UBAP2: variants seen among roughly 807,000 people sequenced by gnomAD.
The protein encoded by UBAP2 is ubiquitin-associated protein 2.
In UBAP2, 75 loss-of-function variants were observed where a neutral mutation model predicts 139.6. The observed-to-expected ratio is 0.54, with a 90% CI of 0.45 to 0.65. The LOEUF (loss-of-function observed/expected upper bound fraction) is 0.65, where lower values mean the gene tolerates loss of function less well. UBAP2 is among the 30% of genes least tolerant of loss of function. UBAP2 has a pLI of 0.00. For missense variants in UBAP2, 1,368 were observed against 1,369.6 expected, an observed-to-expected ratio of 1.00 and a Z score of 0.02; for synonymous variants, 526 against 526.2, an observed-to-expected ratio of 1.00 and a Z score of 0.01.
chr9:34,003,062 T>G (rs1402508767), intron 2 of UBAP2, among the ~76,000 whole-genome samples: 2 of 151,580 alleles, frequency 1.3e-5, no homozygotes, highest in East Asian at 3.9e-4. Flanking sequence ...TTTCGTTGTT[T>G]TTTTTTTTCT....
intron 3 of UBAP2, chr9:33,997,389 T>A (rs894226828): frequency 6.6e-6 from 1 of 152,228 alleles, no homozygotes; most frequent in Non-Finnish European, 1.5e-5. Context: ...AACAGCTTGA[T>A]CCCAACATAT....
intron 19 of UBAP2, among the ~76,000 whole-genome samples, chr9:33,930,856 A>G (rs1291753131): frequency 2.1e-5 from 3 of 142,490 alleles, no homozygotes; most frequent in Non-Finnish European, 4.5e-5. Flanking sequence ...AGATTGCGCC[A>G]TTGCACTCCA....
At position 33,984,869 on chromosome 9, in the gene UBAP2, G is replaced by A. The variant is rs138447237; in HGVS notation, c.520+1891C>T. 6.3e-3 allele frequency among the ~76,000 whole-genome samples: 953 copies of A among 152,294 alleles called. 2 individuals are homozygous for A. The highest frequency in any genetic ancestry group is 0.01 in the Non-Finnish European group (695 of 68,028). ...AATAGCCTGTAATCCCAACTACTGAGGTGGCTGAAACAGGAAGATTGCCTG... is the reference window on the plus strand; with the variant it reads ...AATAGCCTGTAATCCCAACTACTGAAGTGGCTGAAACAGGAAGATTGCCTG... On this transcript the variant is annotated intron_variant, in intron 6 of 28. Coordinates refer to ENST00000379238, the MANE Select transcript of UBAP2 (RefSeq NM_001370062.2).
chr9:33,938,498 A>G (rs769067015), intron 16 of UBAP2, among the ~76,000 whole-genome samples: 5 of 152,306 alleles, frequency 3.3e-5, no homozygotes, highest in African/African-American at 4.8e-5. Flanking sequence ...ATGTTGAAAC[A>G]AAAACAGCTT....
chr9:33,952,580 T>C (rs1314282863), intron 12 of UBAP2, among the ~76,000 whole-genome samples: 2 of 152,228 alleles, frequency 1.3e-5, no homozygotes, highest in African/African-American at 4.8e-5. Context: ...TACATGATTT[T>C]ATAGCAAGTC....
At chr9:34,014,764 A>T (rs1486482837) in intron 2 of UBAP2, among the ~76,000 whole-genome samples, 2 of 115,418 alleles carry the variant, frequency 1.7e-5, no homozygotes, top group Non-Finnish European at 3.5e-5. Context: ...ACTGCGACAG[A>T]CTCCGTCTCA....
intron 6 of UBAP2, among the ~76,000 whole-genome samples, chr9:33,982,027 C>G (rs1820810713): frequency 6.6e-6 from 1 of 152,160 alleles, no homozygotes; most frequent in Non-Finnish European, 1.5e-5. Context: ...AGATATAAGA[C>G]AGTTGCTCCT....
intron 6 of UBAP2, among the ~76,000 whole-genome samples, chr9:33,976,910 G>C (rs1195969678): frequency 6.6e-6 from 1 of 151,806 alleles, no homozygotes; most frequent in African/African-American, 2.4e-5. Flanking sequence ...TATTAGGGAG[G>C]CTGAGGCAGG....
In UBAP2 at chr9:33,935,885, G is replaced by C; in HGVS notation, c.1930-7C>G. On this transcript the variant is annotated splice_polypyrimidine_tract_variant and splice_region_variant and intron_variant, in intron 16 of 28. Coordinates refer to ENST00000379238, the MANE Select transcript of UBAP2 (RefSeq NM_001370062.2). ...GACCACCACCATGTCCATTCTATAA[G>C]GAAAAGAAGAGAAGAGAATATAAAC... 1 of 1,610,940 alleles carries C rather than the reference G, an allele frequency of 6.2e-7. No homozygotes were observed. The highest frequency in any genetic ancestry group is 2.2e-5 in the East Asian group (1 of 44,846).
At chr9:33,994,442 T>C (rs1311396335) in intron 4 of UBAP2, 1 of 148,292 alleles carries the variant, frequency 6.7e-6, no homozygotes. Context: ...TTTGGGTTAT[T>C]TTGTTTATTC....
intron 1 of UBAP2, among the ~76,000 whole-genome samples, chr9:34,021,461 T>C (rs922356757): frequency 1.3e-5 from 2 of 152,194 alleles, no homozygotes; most frequent in Non-Finnish European, 2.9e-5. Context: ...GGTTTGGGTT[T>C]ATCATTTTGG....
At chr9:33,947,441 A>G (rs1171243546) in intron 13 of UBAP2, among the ~76,000 whole-genome samples, 1 of 152,212 alleles carries the variant, frequency 6.6e-6, no homozygotes, top group Non-Finnish European at 1.5e-5. Flanking sequence ...GACCTTTACA[A>G]TACAAACCAC....
chr9:33,942,162 A>C (rs1270957310), intron 15 of UBAP2, among the ~76,000 whole-genome samples: 2 of 152,026 alleles, frequency 1.3e-5, no homozygotes, highest in Non-Finnish European at 2.9e-5. Context: ...AAATACAAAA[A>C]TTAGCAGGGC....
chr9:34,011,097 T>C (rs1823716623), intron 2 of UBAP2, among the ~76,000 whole-genome samples: 1 of 152,094 alleles, frequency 6.6e-6, no homozygotes, highest in Non-Finnish European at 1.5e-5. Flanking sequence ...GATTAAAATA[T>C]TAACAAACAA....
intron 9 of UBAP2, among the ~76,000 whole-genome samples, chr9:33,962,684 T>TAAATAAATAAA (rs1564032725): frequency 2.7e-5 from 3 of 111,744 alleles, no homozygotes; most frequent in African/African-American, 4.3e-5. Flanking sequence ...AAATAAATAA[T>TAAATAAATAAA]TAAAAAATAG....
rs563085343 is a variant in UBAP2 at position 34,040,769 on chromosome 9, A to G, written c.-42+8056T>C. Among the ~76,000 whole-genome samples, 3 of 152,358 alleles carry G rather than the reference A, an allele frequency of 2.0e-5. No individual in the cohort carries two copies. In the South Asian group the frequency reaches 6.2e-4, roughly 32 times the overall value. On this transcript the variant is annotated intron_variant, in intron 1 of 28. Coordinates refer to ENST00000379238, the MANE Select transcript of UBAP2 (RefSeq NM_001370062.2). ...AGAATGAATTCCCAATTCTTAGGGC[A>G]TCCACTCTGTGTATAAGCTGAACTT...
chr9:33,933,847 A>G (rs930931377), intron 17 of UBAP2, among the ~76,000 whole-genome samples: 1 of 152,224 alleles, frequency 6.6e-6, no homozygotes, highest in Non-Finnish European at 1.5e-5. Context: ...GCTGTTCAAG[A>G]TGCAGCAAAG....
At chr9:33,976,946 C>A (rs1828397547) in intron 6 of UBAP2, among the ~76,000 whole-genome samples, 1 of 151,468 alleles carries the variant, frequency 6.6e-6, no homozygotes, top group African/African-American at 2.4e-5. Context: ...TGGGAGGCAG[C>A]AGTCGCAGTG....
intron 25 of UBAP2, 35 bp downstream of exon 25, chr9:33,923,344 A>G (rs1005581356): frequency 1.9e-6 from 3 of 1,613,856 alleles, no homozygotes; most frequent in African/African-American, 1.3e-5. Context: ...AGCCTGTCTA[A>G]CCCCATGTGT....
Sources: gnomAD v4.1 joint callset for allele counts (sites outside exome capture counted in the v4.1 genomes callset) on GRCh38, gnomAD v4.1.1 for gene constraint, MANE v1.5 for transcripts, NCBI Gene and HGNC (gene_info 2026-07-23, HGNC 2026-07-21) for gene names.